Variants in ERBB4 observed in about 807,000 individuals in gnomAD.
The protein encoded by ERBB4 is receptor tyrosine-protein kinase erbB-4.
In ERBB4, 42 loss-of-function variants were observed where a neutral mutation model predicts 158.0. That is an observed-to-expected ratio of 0.27 (90% CI 0.21 to 0.34). The LOEUF (loss-of-function observed/expected upper bound fraction) is 0.34. Among genes scored for constraint, ERBB4 ranks in the 10% least tolerant of loss-of-function variants. ERBB4 has a pLI of 1.00. For missense variants in ERBB4, 1,333 were observed against 1,624.1 expected (o/e 0.82, Z 3.08); for synonymous variants, 583 against 558.7 (o/e 1.04, Z -0.61).
chr2:212,011,909 A>G (rs1407926107), intron 2 of ERBB4, among the ~76,000 whole-genome samples: 1 of 152,232 alleles, frequency 6.6e-6, no homozygotes, highest in African/African-American at 2.4e-5. Flanking sequence ...ATGACATTAT[A>G]ATTCTATCAT....
At chr2:211,940,271 C>T (rs1009985089) in intron 3 of ERBB4, among the ~76,000 whole-genome samples, 36 of 152,146 alleles carry the variant, frequency 2.4e-4, no homozygotes, top group Admixed American at 1.5e-3. Flanking sequence ...AACGATGGAG[C>T]CATTGTTGTA....
intron 2 of ERBB4, among the ~76,000 whole-genome samples, chr2:212,043,867 T>G (rs556127226): frequency 6.6e-6 from 1 of 152,220 alleles, no homozygotes; most frequent in Non-Finnish European, 1.5e-5. Context: ...AATGAAAAAT[T>G]TAATGTAAAG....
intron 1 of ERBB4, among the ~76,000 whole-genome samples, chr2:212,348,300 C>T (rs1168299035): frequency 6.6e-6 from 1 of 152,068 alleles, no homozygotes; most frequent in Non-Finnish European, 1.5e-5. Flanking sequence ...GATATTATCA[C>T]ATATAGCTGC....
intron 25 of ERBB4, among the ~76,000 whole-genome samples, chr2:211,389,864 TATCA>T (rs1407151556): frequency 6.6e-6 from 1 of 152,202 alleles, no homozygotes; most frequent in African/African-American, 2.4e-5. Context: ...GTAAAGGATA[TATCA>T]ATCACATTTA....
chr2:211,558,209 G>A (rs1169804679), intron 20 of ERBB4, among the ~76,000 whole-genome samples: 2 of 152,154 alleles, frequency 1.3e-5, no homozygotes, highest in African/African-American at 2.4e-5. Context: ...TCAAGGAACA[G>A]GGAGGCCTGT....
intron 3 of ERBB4, among the ~76,000 whole-genome samples, chr2:211,887,705 A>G (rs2078841824): frequency 6.6e-6 from 1 of 152,150 alleles, no homozygotes; most frequent in Non-Finnish European, 1.5e-5. Flanking sequence ...TTTCTGTTTA[A>G]TCATGTTATT....
chr2:212,052,432 C>A (rs1057040476), intron 2 of ERBB4, among the ~76,000 whole-genome samples: 1 of 152,272 alleles, frequency 6.6e-6, no homozygotes, highest in Middle Eastern at 3.4e-3. Flanking sequence ...TGAGTCAATA[C>A]TCCTTAATAA....
At chr2:211,757,036 A>T (rs61079605) in intron 4 of ERBB4, among the ~76,000 whole-genome samples, 32,323 of 152,180 alleles carry the variant, frequency 0.21, 4,006 homozygotes, top group Non-Finnish European at 0.29. Context: ...TAAAGTCTCA[A>T]TATGATTTGA....
chr2:211,752,648 C>T (rs1011838604), intron 4 of ERBB4, among the ~76,000 whole-genome samples: 3 of 151,972 alleles, frequency 2.0e-5, no homozygotes, highest in Non-Finnish European at 4.4e-5. Flanking sequence ...TTCTCTTACT[C>T]GATTAATTTT....
Position 212,322,623 on chromosome 2 carries a change from C to A in ERBB4, c.83-197720G>T, listed in dbSNP as rs1306407989. Among the ~76,000 whole-genome samples, 5 of 150,284 alleles carry A rather than the reference C, an allele frequency of 3.3e-5. 1 individual carries two copies. Among genetic ancestry groups the A allele is most frequent in the Non-Finnish European group, 7.5e-5 (5 of 66,972 alleles). On this transcript the variant is annotated intron_variant, in intron 1 of 27. Coordinates refer to ENST00000342788, the MANE Select transcript of ERBB4 (RefSeq NM_005235.3). ...AAGTCTGTTGTAAAAGATTTCCTTG[C>A]AATTACTTCACTACCATTACCCTGG...
At chr2:212,126,470 A>G (rs1278777751) in intron 1 of ERBB4, among the ~76,000 whole-genome samples, 1 of 151,576 alleles carries the variant, frequency 6.6e-6, no homozygotes, top group Admixed American at 6.6e-5. Context: ...CAAAAAAAAA[A>G]AAAAAAAAAA....
chr2:211,724,948 A>T, intron 6 of ERBB4, 128 bp downstream of exon 6: 1 of 749,138 alleles, frequency 1.3e-6, no homozygotes, highest in Non-Finnish European at 2.4e-6. Context: ...AGGAGGGCAG[A>T]GCATTTTTCT....
chr2:211,675,651 G>C (rs1574965613), intron 13 of ERBB4, among the ~76,000 whole-genome samples: 1 of 150,786 alleles, frequency 6.6e-6, no homozygotes, highest in East Asian at 1.9e-4. Flanking sequence ...TATATGACAT[G>C]GATTTGAATG....
intron 1 of ERBB4, among the ~76,000 whole-genome samples, chr2:212,170,950 T>A (rs1053654242): frequency 4.6e-5 from 7 of 152,058 alleles, no homozygotes; most frequent in African/African-American, 1.7e-4. Flanking sequence ...CTAGTGGAGC[T>A]GTAAGAAGAG....
chr2:211,451,419 G>GA (rs2064243870), intron 20 of ERBB4, among the ~76,000 whole-genome samples: 1 of 152,124 alleles, frequency 6.6e-6, no homozygotes, highest in Non-Finnish European at 1.5e-5. Flanking sequence ...GTATGTCTGT[G>GA]AAAAAATGAA....
chr2:212,524,021 T>C (rs143763390), intron 1 of ERBB4, among the ~76,000 whole-genome samples: 3 of 152,150 alleles, frequency 2.0e-5, no homozygotes, highest in African/African-American at 4.8e-5. Context: ...CCCTCGTATA[T>C]GTAACAGCCC....
chr2:211,395,897 T>A (rs1002274363), intron 25 of ERBB4, among the ~76,000 whole-genome samples: 1 of 152,096 alleles, frequency 6.6e-6, no homozygotes, highest in Non-Finnish European at 1.5e-5. Flanking sequence ...TGCTACTTGA[T>A]ATACTTTTAC....
At chr2:211,762,604 A>G (rs1185053505) in intron 4 of ERBB4, among the ~76,000 whole-genome samples, 1 of 152,220 alleles carries the variant, frequency 6.6e-6, no homozygotes, top group Non-Finnish European at 1.5e-5. Context: ...CATGACCTTC[A>G]TCTGTCAGAT....
At chr2:212,188,010 G>T (rs569205547) in intron 1 of ERBB4, among the ~76,000 whole-genome samples, 2 of 151,816 alleles carry the variant, frequency 1.3e-5, no homozygotes, top group African/African-American at 4.8e-5. Flanking sequence ...TCACAATATC[G>T]TACAGGCAAA....
Sources: allele counts gnomAD v4.1 joint callset (sites outside exome capture counted in the v4.1 genomes callset), GRCh38; gene constraint gnomAD v4.1.1; transcripts MANE v1.5; gene names NCBI Gene and HGNC (gene_info 2026-07-23, HGNC 2026-07-21).